Variants in ANKS1B observed in about 807,000 individuals in gnomAD.
ANKS1B encodes the protein ankyrin repeat and sterile alpha motif domain-containing protein 1B.
In ANKS1B, 36 loss-of-function variants were observed where a neutral mutation model predicts 148.3. That is an observed-to-expected ratio of 0.24 (90% CI 0.19 to 0.32). ANKS1B has a LOEUF of 0.32. Ranked by LOEUF, ANKS1B falls within the 10% of genes least tolerant of loss-of-function variation. The pLI, the probability that ANKS1B is intolerant of heterozygous loss-of-function variation, is 1.00. For synonymous variants in ANKS1B, 542 were observed against 560.8 expected (o/e 0.97, Z 0.47); for missense variants, 1,157 against 1,542.6 (o/e 0.75, Z 4.19).
intron 19 of ANKS1B, among the ~76,000 whole-genome samples, chr12:98,821,685 G>A (rs906085391): frequency 6.6e-6 from 1 of 152,136 alleles, no homozygotes. Context: ...CTTGCTCACT[G>A]TGAACTCCGC....
At chr12:99,295,304 G>T (rs1237531150) in intron 12 of ANKS1B, among the ~76,000 whole-genome samples, 7 of 152,130 alleles carry the variant, frequency 4.6e-5, no homozygotes, top group Admixed American at 1.3e-4. Flanking sequence ...ATGATAGGAA[G>T]TATTTTTTTT....
intron 22 of ANKS1B, among the ~76,000 whole-genome samples, chr12:98,786,270 A>G (rs972536690): frequency 6.6e-5 from 10 of 152,242 alleles, no homozygotes; most frequent in Non-Finnish European, 2.9e-5. Context: ...AATACAATGC[A>G]ACATTTGAAT....
intron 1 of ANKS1B, among the ~76,000 whole-genome samples, chr12:99,840,352 T>C (rs1048422988): frequency 2.0e-5 from 3 of 152,064 alleles, no homozygotes; most frequent in Admixed American, 6.6e-5. Context: ...CTGGATCATA[T>C]AGAGCCTTGT....
chr12:99,271,928 T>C (rs1417130077), intron 12 of ANKS1B, among the ~76,000 whole-genome samples: 1 of 151,870 alleles, frequency 6.6e-6, no homozygotes, highest in African/African-American at 2.4e-5. Context: ...CAAAGGTGCA[T>C]GTGGGAATGA....
chr12:99,534,702 TTTC>T (rs1463147347), intron 9 of ANKS1B, among the ~76,000 whole-genome samples: 2 of 148,340 alleles, frequency 1.3e-5, no homozygotes, highest in African/African-American at 5.0e-5. Flanking sequence ...TTTTTTCTTT[TTTC>T]TTTTCTTTTT....
At chr12:99,106,409 T>C (rs1417381212) in intron 15 of ANKS1B, among the ~76,000 whole-genome samples, 1 of 152,240 alleles carries the variant, frequency 6.6e-6, no homozygotes, top group East Asian at 1.9e-4. Context: ...CCTTCTACAC[T>C]TGAGTGGCCT....
Position 99,333,858 on chromosome 12 carries a change from T to G in ANKS1B, c.1756+65773A>C, listed in dbSNP as rs1034266924. On this transcript the variant is annotated intron_variant, in intron 12 of 26. Coordinates refer to ENST00000683438, the MANE Select transcript of ANKS1B (RefSeq NM_001352186.2). The stretch of plus-strand genomic sequence containing the variant: ...AAGTCACATTTCCAGTTCTCAGTTT[T>G]TTTTTTTTTTTTTTTTTAACAATGT... Among the ~76,000 whole-genome samples the G allele has an allele frequency of 9.4e-5, 14 of 148,558 alleles. No individual in the cohort carries two copies. In the East Asian group the frequency reaches 2.3e-3, roughly 25 times the overall value.
At chr12:99,199,812 A>C (rs2081847166) in intron 14 of ANKS1B, among the ~76,000 whole-genome samples, 2 of 152,132 alleles carry the variant, frequency 1.3e-5, no homozygotes, top group African/African-American at 4.8e-5. Flanking sequence ...TATTTTAGAG[A>C]GTCTGTAGAG....
At chr12:99,665,621 G>A (rs2098502471) in intron 8 of ANKS1B, among the ~76,000 whole-genome samples, 1 of 151,868 alleles carries the variant, frequency 6.6e-6, no homozygotes, top group African/African-American at 2.4e-5. Flanking sequence ...CAAGTAGCTG[G>A]GACTACAGGC....
chr12:99,658,674 C>G (rs1387540834), intron 8 of ANKS1B, among the ~76,000 whole-genome samples: 1 of 152,084 alleles, frequency 6.6e-6, no homozygotes, highest in African/African-American at 2.4e-5. Flanking sequence ...CTTATTAATC[C>G]TTAGTTTCCC....
chr12:98,980,866 T>C (rs1190464999), intron 17 of ANKS1B, among the ~76,000 whole-genome samples: 5 of 152,318 alleles, frequency 3.3e-5, no homozygotes, highest in African/African-American at 2.4e-5. Context: ...CCTCTGCTTA[T>C]GGACCATAAA....
chr12:99,465,727 C>T (rs980859770), intron 10 of ANKS1B, among the ~76,000 whole-genome samples: 2 of 152,150 alleles, frequency 1.3e-5, no homozygotes, highest in Non-Finnish European at 2.9e-5. Context: ...GGGATCAATT[C>T]AACAAGAAGA....
At chr12:99,942,080 G>A (rs2094933758) in intron 1 of ANKS1B, among the ~76,000 whole-genome samples, 1 of 152,032 alleles carries the variant, frequency 6.6e-6, no homozygotes. Context: ...GAGCAGACAA[G>A]GTAAGAAAGG....
chr12:99,318,463 A>T (rs567277642), intron 12 of ANKS1B, among the ~76,000 whole-genome samples: 2 of 152,188 alleles, frequency 1.3e-5, no homozygotes, highest in Non-Finnish European at 2.9e-5. Flanking sequence ...AGAGGTGTTT[A>T]TAGTGTTCTT....
intron 8 of ANKS1B, among the ~76,000 whole-genome samples, chr12:99,691,839 A>G (rs893280002): frequency 5.9e-5 from 9 of 152,230 alleles, no homozygotes; most frequent in Non-Finnish European, 1.3e-4. Context: ...CTATGCCTGA[A>G]CTCCTGACAC....
intron 14 of ANKS1B, among the ~76,000 whole-genome samples, chr12:99,181,442 A>G (rs1318269703): frequency 6.6e-6 from 1 of 152,218 alleles, no homozygotes; most frequent in African/African-American, 2.4e-5. Context: ...CCTCAAGGTA[A>G]AAGATTGTAA....
intron 1 of ANKS1B, among the ~76,000 whole-genome samples, chr12:99,837,308 G>A (rs1380300855): frequency 6.6e-6 from 1 of 152,102 alleles, no homozygotes; most frequent in Non-Finnish European, 1.5e-5. Context: ...AGACCTCCAG[G>A]ACTATAGGAT....
chr12:98,838,302 A>T (rs1452878291), intron 17 of ANKS1B, among the ~76,000 whole-genome samples: 1 of 152,176 alleles, frequency 6.6e-6, no homozygotes, highest in Admixed American at 6.5e-5. Flanking sequence ...GAAAACACCA[A>T]AGAAGACTGC....
intron 1 of ANKS1B, among the ~76,000 whole-genome samples, chr12:99,905,018 A>G (rs182856307): frequency 2.0e-3 from 304 of 152,346 alleles, no homozygotes; most frequent in African/African-American, 7.1e-3. Context: ...TGGACTTTTA[A>G]TATGATGCTA....
Sources: gnomAD v4.1 joint callset for allele counts (sites outside exome capture counted in the v4.1 genomes callset) on GRCh38, gnomAD v4.1.1 for gene constraint, MANE v1.5 for transcripts, NCBI Gene and HGNC (gene_info 2026-07-23, HGNC 2026-07-21) for gene names.